The following GAK variants were observed in gnomAD, a reference collection of about 807,000 sequenced individuals.
GAK encodes the protein cyclin-G-associated kinase.
In GAK, 79 loss-of-function variants were observed where a neutral mutation model predicts 143.9. That is an observed-to-expected ratio of 0.55 (90% confidence interval 0.46 to 0.66). GAK has a LOEUF of 0.66. Ranked by LOEUF, GAK falls within the 30% of genes least tolerant of loss-of-function variation. GAK has a pLI of 0.00. For missense variants in GAK, 1,693 were observed against 1,779.7 expected (o/e 0.95, Z 0.88); for synonymous variants, 881 against 765.5 (o/e 1.15, Z -2.49).
chr4:911,101 C>A lies in GAK; in HGVS notation c.382+572G>T, dbSNP rs1017982121. 2.6e-5 allele frequency among the ~76,000 whole-genome samples: 4 copies of A among 152,170 alleles called. No individual in the cohort carries two copies. The South Asian group carries it at 8.3e-4, about 32-fold the overall frequency. On this transcript the variant is annotated intron_variant, in intron 4 of 27. Coordinates refer to ENST00000314167, the MANE Select transcript of GAK (RefSeq NM_005255.4). ...CCACCGGCCTCTCTTCCTGTCCTGA[C>A]AAACGGACCATGGAGTCGTTGTGCC...
chr4:911,612 A>C, intron 4 of GAK, 61 bp downstream of exon 4: 1 of 1,123,852 alleles, frequency 8.9e-7, no homozygotes, highest in Non-Finnish European at 1.4e-6. Context: ...CTGGGTTAGG[A>C]GGCATCAAGC....
chr4:888,054 CAA>C (rs1159225471), intron 11 of GAK: 1 of 152,300 alleles, frequency 6.6e-6, no homozygotes, highest in Admixed American at 6.5e-5. Flanking sequence ...GCTGGGGACA[CAA>C]AACAGTGATC....
At chr4:859,969 A>C (rs552823901) in intron 23 of GAK, among the ~76,000 whole-genome samples, 5 of 152,312 alleles carry the variant, frequency 3.3e-5, no homozygotes, top group African/African-American at 1.2e-4. Context: ...AACCATGCTC[A>C]TATCATTATG....
In GAK at chr4:882,715, G is replaced by A. The variant is rs1715395062; in HGVS notation, c.1509C>T (p.Val503=). 1.2e-6 allele frequency: 2 copies of A among 1,612,578 alleles called. No homozygotes were observed. The highest frequency in any genetic ancestry group is 4.5e-5 in the East Asian group (2 of 44,884). ...HAWLRQDHKN[V]CVVHCMDGRA... is the part of the protein sequence containing the mutation. ...AGCTCACCATGCAGTGCACGACGCA[G>A]ACGTTCTTGTGGTCCTGCCGCAGCC... Residue 503 remains valine, a synonymous_variant, in exon 14 of 28, where the codon GTC becomes GTT. Transcript: ENST00000314167.
chr4:887,711 CTACACATGCA>C (rs1175200906), intron 11 of GAK: 3 of 152,352 alleles, frequency 2.0e-5, no homozygotes, highest in African/African-American at 7.2e-5. Context: ...ACAAGCACTC[CTACACATGCA>C]TACACATGCA....
intron 18 of GAK, among the ~76,000 whole-genome samples, chr4:875,818 T>C (rs1022772533): frequency 5.9e-5 from 9 of 152,238 alleles, no homozygotes; most frequent in South Asian, 2.1e-4. Flanking sequence ...GGTGCAGATC[T>C]GTAATCCCAG....
intron 22 of GAK, 33 bp from the exon 23 acceptor site, chr4:865,277 T>C (rs1750967411): frequency 6.2e-7 from 1 of 1,611,950 alleles, no homozygotes; most frequent in African/African-American, 1.3e-5. Flanking sequence ...GAGCACAGTT[T>C]GGTGTCTCAG....
In GAK at chr4:905,634, C is replaced by T. The variant is rs943795109; in HGVS notation, c.383-855G>A. Among the ~76,000 whole-genome samples the T allele has an allele frequency of 3.9e-5, 6 of 152,148 alleles. No homozygotes were observed. In the South Asian group the frequency reaches 8.3e-4, roughly 21 times the overall value. On this transcript the variant is annotated intron_variant, in intron 4 of 27. Coordinates refer to ENST00000314167, the MANE Select transcript of GAK (RefSeq NM_005255.4). The stretch of plus-strand genomic sequence containing the variant: ...AAACCAGGCCACGCTTCGGACTCTG[C>T]CACGCCCCAGGCCATGCCACGGACT...
At chr4:901,775 G>A (rs1459518042) in intron 5 of GAK, among the ~76,000 whole-genome samples, 4 of 152,238 alleles carry the variant, frequency 2.6e-5, no homozygotes, top group African/African-American at 4.8e-5. Flanking sequence ...GGGAGCCAAG[G>A]ACAGCACAGG....
chr4:869,070 G>A, intron 19 of GAK: 1 of 231,092 alleles, frequency 4.3e-6, no homozygotes, highest in Non-Finnish European at 8.6e-6. Flanking sequence ...CACAGATGCA[G>A]GGTACACACG....
chr4:916,008 T>C (rs1261457994), intron 1 of GAK, among the ~76,000 whole-genome samples: 1 of 152,248 alleles, frequency 6.6e-6, no homozygotes, highest in Non-Finnish European at 1.5e-5. Context: ...GCATTCAGGA[T>C]GGTTGTTGGA....
At chr4:875,297 T>C (rs1480070696) in intron 18 of GAK, among the ~76,000 whole-genome samples, 1 of 152,074 alleles carries the variant, frequency 6.6e-6, no homozygotes. Context: ...AAGTTGCGAA[T>C]ATGTGAGTTA....
intron 5 of GAK, among the ~76,000 whole-genome samples, chr4:900,294 C>G (rs535202398): frequency 6.6e-6 from 1 of 152,236 alleles, no homozygotes; most frequent in Non-Finnish European, 1.5e-5. Context: ...AGTGGGGCCA[C>G]GTGTGCTGCC....
intron 5 of GAK, among the ~76,000 whole-genome samples, chr4:899,945 C>T (rs1159754314): frequency 1.3e-5 from 2 of 152,250 alleles, no homozygotes; most frequent in African/African-American, 4.8e-5. Context: ...GGGCCACATA[C>T]AGGACCGGGG....
At chr4:865,991 C>T (rs1476740234) in intron 22 of GAK, among the ~76,000 whole-genome samples, 2 of 152,256 alleles carry the variant, frequency 1.3e-5, no homozygotes, top group African/African-American at 4.8e-5. Flanking sequence ...CCCTGGGTCC[C>T]CCAGCTGCCT....
intron 5 of GAK, among the ~76,000 whole-genome samples, chr4:898,698 C>A (rs1011933316): frequency 1.3e-5 from 2 of 152,078 alleles, no homozygotes; most frequent in Admixed American, 1.3e-4. Context: ...CTCGTCTCTA[C>A]TAAAAAATAC....
At chr4:867,571 G>A (rs988921378) in intron 20 of GAK, 139 bp from the exon 21 acceptor site, 4 of 527,934 alleles carry the variant, frequency 7.6e-6, no homozygotes, top group African/African-American at 6.0e-5. Context: ...CCCACGGCGC[G>A]TCCCTTCAGG....
chr4:856,583 C>CCACAGCTGCTCACACCTGCT (rs1560281672), intron 24 of GAK, among the ~76,000 whole-genome samples: 3 of 73,450 alleles, frequency 4.1e-5, no homozygotes, highest in Non-Finnish European at 8.3e-5. Context: ...CAGCTGCTCA[C>CCACAGCTGCTCACACCTGCT]CACCACAGGT....
At chr4:896,335 C>T (rs972462628) in intron 7 of GAK, 125 bp downstream of exon 7, 16 of 707,036 alleles carry the variant, frequency 2.3e-5, no homozygotes, top group South Asian at 1.4e-4. Context: ...GAAAAGGGGA[C>T]GGGAGGGGAA....
Sources: allele counts gnomAD v4.1 joint callset (sites outside exome capture counted in the v4.1 genomes callset), GRCh38; gene constraint gnomAD v4.1.1; transcripts MANE v1.5; gene names NCBI Gene and HGNC (gene_info 2026-07-23, HGNC 2026-07-21).